Variants in UBAC1 observed in about 807,000 individuals in gnomAD.
UBAC1 encodes ubiquitin-associated domain-containing protein 1.
Under a neutral mutation model 45.9 loss-of-function variants are expected in UBAC1, and 27 were observed. The ratio of observed to expected loss-of-function variants is 0.59; its 90% CI spans 0.43 to 0.81. The LOEUF is 0.81. Ranked by LOEUF, UBAC1 falls within the 30% of genes least tolerant of loss-of-function variation. UBAC1 has a pLI of 0.00. For missense variants in UBAC1, 529 were observed against 539.2 expected (o/e 0.98, Z 0.19); for synonymous variants, 227 against 215.5 (o/e 1.05, Z -0.47).
intron 3 of UBAC1, among the ~76,000 whole-genome samples, chr9:135,952,661 G>A (rs781190332): frequency 1.3e-5 from 2 of 152,218 alleles, no homozygotes; most frequent in African/African-American, 2.4e-5. Context: ...AGACAAGACA[G>A]GCAGAACTCA....
chr9:135,957,923 C>T (rs1018704621), intron 1 of UBAC1, among the ~76,000 whole-genome samples: 2 of 151,484 alleles, frequency 1.3e-5, no homozygotes, highest in East Asian at 1.9e-4. Context: ...TACAGGAGTC[C>T]GCGACCATGC....
intron 1 of UBAC1, among the ~76,000 whole-genome samples, chr9:135,958,772 C>T (rs1376111094): frequency 6.6e-6 from 1 of 152,162 alleles, no homozygotes; most frequent in Non-Finnish European, 1.5e-5. Context: ...CTGGCCCTGC[C>T]TGCAGAACCA....
At chr9:135,941,113 T>A (rs1588531296) in intron 7 of UBAC1, among the ~76,000 whole-genome samples, 1 of 152,128 alleles carries the variant, frequency 6.6e-6, no homozygotes, top group South Asian at 2.1e-4. Context: ...CATGATCAGG[T>A]CAAAAGTCCC....
At chr9:135,941,957 G>C (rs1482531328) in intron 7 of UBAC1, among the ~76,000 whole-genome samples, 1 of 152,212 alleles carries the variant, frequency 6.6e-6, no homozygotes, top group Non-Finnish European at 1.5e-5. Flanking sequence ...AGGACTGATG[G>C]GCTGGCCCCT....
At chr9:135,957,199 C>T (rs1839477065) in intron 1 of UBAC1, among the ~76,000 whole-genome samples, 2 of 152,136 alleles carry the variant, frequency 1.3e-5, no homozygotes, top group African/African-American at 4.8e-5. Context: ...GGGGCTCACT[C>T]CTTCACACAA....
chr9:135,938,274 G>A lies in UBAC1; in HGVS notation c.1050C>T (p.Ile350=). ...IDPDSPLFQA[I]LDNPVVQLGL... ...CCAGCTGCACCACCGGGTTATCCAG[G>A]ATGGCCTGAAAGAGAGGACTGTCGG... The change falls in exon 9 of 10, where the codon ATC becomes ATT. Residue 350 remains isoleucine (I), a synonymous_variant. Transcript: ENST00000371756. 3 of 1,614,186 alleles carry A rather than the reference G, an allele frequency of 1.9e-6. No homozygotes were observed. The highest frequency in any genetic ancestry group is 2.5e-6 in the Non-Finnish European group (3 of 1,180,038).
At chr9:135,942,201 G>T (rs1167724916) in intron 7 of UBAC1, 1 of 152,194 alleles carries the variant, frequency 6.6e-6, no homozygotes. Context: ...ACGAGAGTGC[G>T]AAGTCCAACC....
At position 135,939,823 on chromosome 9, in the gene UBAC1, C is replaced by T. The variant is rs142043344; in HGVS notation, c.877-64G>A. The T allele has an allele frequency of 8.4e-5, 123 of 1,460,394 alleles. No individual in the cohort carries two copies. The East Asian group carries it at 2.1e-3, about 25-fold the overall frequency. The allele number at this position is 1,460,394 out of a possible 1,614,324, so 90.5% of individuals were successfully genotyped here. A position where few individuals can be genotyped will look rare whatever the true frequency, so the allele number is the denominator to read the frequency against. ...AGGAGGCCGAGGAACCAGTGACCTG[C>T]GTGCAGAGGGGCCCGCTCCCCGCAC... On this transcript the variant is annotated intron_variant, in intron 7 of 9. Transcript: ENST00000371756.
Position 135,938,240 on chromosome 9 carries a change from T to C in UBAC1, c.1084A>G (p.Asn362Asp). Residue 362 changes from asparagine (N) to aspartate (D), a missense_variant, in exon 9 of 10, where the codon AAC becomes GAC. By Grantham distance (23) the Asn-to-Asp change is conservative. Coordinates refer to ENST00000371756, the MANE Select transcript of UBAC1 (RefSeq NM_016172.3). The part of the protein sequence containing the change: ...DNPVVQLGLT[N>D]PKTLLAFEDM... ...CACATACCTAGCAATGTTTTCGGGT[T>C]GGTCAGGCCCAGCTGCACCACCGGG... 2 of 1,614,048 alleles carry C rather than the reference T, an allele frequency of 1.2e-6. No homozygotes were observed. The highest frequency in any genetic ancestry group is 1.7e-6 in the Non-Finnish European group (2 of 1,179,968).
chr9:135,940,441 G>A (rs991143894), intron 7 of UBAC1, among the ~76,000 whole-genome samples: 1 of 151,884 alleles, frequency 6.6e-6, no homozygotes, highest in Non-Finnish European at 1.5e-5. Flanking sequence ...TTAGCTGGGC[G>A]TGGTGGCAGG....
chr9:135,957,503 C>T (rs562476456), intron 1 of UBAC1, among the ~76,000 whole-genome samples: 31 of 152,254 alleles, frequency 2.0e-4, no homozygotes, highest in Admixed American at 4.6e-4. Flanking sequence ...AGCACTAGGA[C>T]GACCGTGTCA....
At chr9:135,956,316 C>T (rs1038523353) in intron 1 of UBAC1, among the ~76,000 whole-genome samples, 1 of 152,222 alleles carries the variant, frequency 6.6e-6, no homozygotes, top group Non-Finnish European at 1.5e-5. Flanking sequence ...TCCTGCTCCT[C>T]AATTCGGCCA....
At chr9:135,945,314 C>T (rs1839316866) in intron 6 of UBAC1, 64 bp from the exon 7 acceptor site, 1 of 1,389,936 alleles carries the variant, frequency 7.2e-7, no homozygotes, top group East Asian at 2.5e-5. Context: ...CGCCTCCTGT[C>T]CATTCCCAAG....
chr9:135,940,308 G>A (rs1163535691), intron 7 of UBAC1, among the ~76,000 whole-genome samples: 1 of 151,650 alleles, frequency 6.6e-6, no homozygotes, highest in East Asian at 1.9e-4. Context: ...GGCCGGGCGC[G>A]GTGGCTCACA....
chr9:135,956,260 C>T (rs1839464635), intron 1 of UBAC1, among the ~76,000 whole-genome samples: 1 of 152,214 alleles, frequency 6.6e-6, no homozygotes, highest in South Asian at 2.1e-4. Flanking sequence ...CCCCTTCCAA[C>T]CCTGCCATTA....
At chr9:135,951,234 C>T (rs899030522) in intron 3 of UBAC1, among the ~76,000 whole-genome samples, 24 of 152,208 alleles carry the variant, frequency 1.6e-4, no homozygotes, top group African/African-American at 5.5e-4. Context: ...CGTGGGCCAC[C>T]GCACCCAGCC....
chr9:135,954,655 C>T (rs1005596962), intron 2 of UBAC1, among the ~76,000 whole-genome samples: 2 of 152,308 alleles, frequency 1.3e-5, no homozygotes, highest in African/African-American at 2.4e-5. Flanking sequence ...GCATTTTAAC[C>T]GGCTCAGTTC....
intron 3 of UBAC1, among the ~76,000 whole-genome samples, chr9:135,949,104 A>G (rs1216760057): frequency 6.6e-6 from 1 of 151,888 alleles, no homozygotes; most frequent in African/African-American, 2.4e-5. Context: ...CAAAGTGAGG[A>G]GTCAGCAGGG....
rs1030973274 is a variant in UBAC1, at chr9:135,933,308, G to A, written c.*92C>T. On this transcript the variant is annotated 3_prime_UTR_variant, in exon 10 of 10. Coordinates refer to ENST00000371756, the MANE Select transcript of UBAC1 (RefSeq NM_016172.3). ...TCTAACAGTCCAGGGCTGAGGCGCT[G>A]AAGGTGAGTTTCCAGGTGAGGTCCA... 13 of 995,048 alleles carry A rather than the reference G, an allele frequency of 1.3e-5. No homozygotes were observed. The African/African-American group carries it at 1.9e-4, about 15-fold the overall frequency. The allele number at this position is 995,048 out of a possible 1,614,324, so 61.6% of individuals were successfully genotyped here.
Sources: allele counts gnomAD v4.1 joint callset (sites outside exome capture counted in the v4.1 genomes callset), GRCh38; gene constraint gnomAD v4.1.1; transcripts MANE v1.5; gene names NCBI Gene and HGNC (gene_info 2026-07-23, HGNC 2026-07-21).